Variants in UCMA observed in about 807,000 individuals in gnomAD.
UCMA encodes the protein upper zone of growth plate and cartilage matrix associated, also known as upper zone of growth plate and cartilage matrix-associated protein.
A neutral mutation model predicts 21.8 loss-of-function variants in UCMA; 21 were observed. That is an observed-to-expected ratio of 0.97 (90% confidence interval 0.68 to 1.39). UCMA has a LOEUF of 1.39. UCMA is among the 40% of genes most tolerant of loss of function. UCMA has a pLI of 0.00. For synonymous variants in UCMA, 76 were observed against 67.9 expected, an observed-to-expected ratio of 1.12 and a Z score of -0.58; for missense variants, 193 against 178.9, an observed-to-expected ratio of 1.08 and a Z score of -0.45.
At chr10:13,234,066 C>T (rs1393314447) in intron 1 of UCMA, 135 bp downstream of exon 1, 15 of 751,764 alleles carry the variant, frequency 2.0e-5, no homozygotes, top group East Asian at 1.4e-4. Flanking sequence ...TACATGCACA[C>T]GACACACACA....
chr10:13,233,807 G>T lies in UCMA; in HGVS notation c.59-7C>A. ...CTGGTTCCCTCTCTCAGCACTGCAG[G>T]ACAAGGGCACAGAGTGAGGCTGCAG... On this transcript the variant is annotated splice_region_variant and splice_polypyrimidine_tract_variant and intron_variant, in intron 1 of 4. Coordinates refer to ENST00000378681, the MANE Select transcript of UCMA (RefSeq NM_145314.3). The T allele has an allele frequency of 6.2e-7, 1 of 1,613,634 alleles. No homozygotes were observed.
intron 4 of UCMA, among the ~76,000 whole-genome samples, chr10:13,229,185 C>G (rs1834863458): frequency 6.6e-6 from 1 of 152,150 alleles, no homozygotes; most frequent in Non-Finnish European, 1.5e-5. Flanking sequence ...ATCTACCCTC[C>G]TCAGCCTCCC....
chr10:13,229,575 C>A (rs1234959443), intron 4 of UCMA, 36 bp downstream of exon 4: 1 of 1,578,222 alleles, frequency 6.3e-7, no homozygotes, highest in East Asian at 2.2e-5. Context: ...CCCCAACGCT[C>A]CACCTCCCTG....
chr10:13,233,852 C>A lies in UCMA; in HGVS notation c.59-52G>T. 3.1e-6 allele frequency: 5 copies of A among 1,605,272 alleles called. No homozygotes were observed. The Admixed American group carries it at 8.4e-5, about 27-fold the overall frequency. ...CTGCAGCATCAGAGGGGAGCCCAGA[C>A]CCTGAGCTGAGTCCCCATCTCTCTT... On this transcript the variant is annotated intron_variant, in intron 1 of 4. Coordinates refer to ENST00000378681, the MANE Select transcript of UCMA (RefSeq NM_145314.3).
intron 4 of UCMA, among the ~76,000 whole-genome samples, chr10:13,225,539 G>C (rs1326172416): frequency 6.6e-6 from 1 of 151,990 alleles, no homozygotes; most frequent in Admixed American, 6.6e-5. Flanking sequence ...GCAAGGCGTG[G>C]TGGTGGGTGC....
At position 13,230,027 on chromosome 10, in the gene UCMA, T is replaced by G. The variant is rs1020351530; in HGVS notation, c.221-318A>C. On this transcript the variant is annotated intron_variant, in intron 3 of 4. Coordinates refer to ENST00000378681, the MANE Select transcript of UCMA (RefSeq NM_145314.3). ...CACTTGGAAACCAGAAATCCCATAA[T>G]CAGAAACAAATTCCCTAAAGGAATA... Among the ~76,000 whole-genome samples, 3 of 152,128 alleles carry G rather than the reference T, an allele frequency of 2.0e-5. No individual in the cohort carries two copies. In the East Asian group the frequency reaches 5.8e-4, roughly 29 times the overall value.
chr10:13,229,830 G>T, intron 3 of UCMA, 121 bp from the exon 4 acceptor site: 2 of 738,734 alleles, frequency 2.7e-6, no homozygotes, highest in Non-Finnish European at 4.5e-6. Context: ...GTTTGTGGGG[G>T]ATTGTGATTG....
intron 4 of UCMA, among the ~76,000 whole-genome samples, chr10:13,226,886 T>C (rs936760212): frequency 2.6e-5 from 4 of 152,208 alleles, no homozygotes; most frequent in Admixed American, 6.5e-5. Context: ...AAACAGTGAA[T>C]GTTTTTTCAT....
Position 13,222,083 on chromosome 10 carries a change from T to C in UCMA, c.*20A>G. On this transcript the variant is annotated 3_prime_UTR_variant, in exon 5 of 5. Transcript: ENST00000378681. ...AATGGTGCTACAAGCTTTGTCTTCT[T>C]GGCCGGCTTCAGGATGGGATCAGGT... The C allele has an allele frequency of 6.2e-7, 1 of 1,613,776 alleles. No homozygotes were observed.
chr10:13,224,477 T>C lies in UCMA; in HGVS notation c.320-2277A>G, dbSNP rs1460763666. Reference sequence around the variant, plus strand: ...GGCAAGTTTTATGTTGTGTGTGTTTTATCACATTTTTAAGATGCATTTGTC... The same window carrying C: ...GGCAAGTTTTATGTTGTGTGTGTTTCATCACATTTTTAAGATGCATTTGTC... On this transcript the variant is annotated intron_variant, in intron 4 of 4. Transcript: ENST00000378681. 2.0e-5 allele frequency among the ~76,000 whole-genome samples: 3 copies of C among 152,152 alleles called. No homozygotes were observed. The East Asian group carries it at 5.8e-4, about 29-fold the overall frequency.
rs138134959 is a variant in UCMA at position 13,221,837 on chromosome 10, C to T, written c.*266G>A. ...CTTGACTGATTCTTTTGCTTGGGAA[C>T]GAAGCCAGGGGAAGCCACTGTAGGT... is the stretch of plus-strand genomic sequence containing the variant. On this transcript the variant is annotated 3_prime_UTR_variant, in exon 5 of 5. Transcript: ENST00000378681. 1.5e-3 allele frequency: 703 copies of T among 459,616 alleles called. 6 individuals carry two copies. The East Asian group carries it at 0.017, about 11-fold the overall frequency. The allele number at this position is 459,616 out of a possible 1,614,324, so 28.5% of individuals were successfully genotyped here.
intron 3 of UCMA, among the ~76,000 whole-genome samples, chr10:13,230,980 C>CG (rs370057167): frequency 2.7e-4 from 41 of 151,950 alleles, no homozygotes; most frequent in African/African-American, 9.7e-4. Flanking sequence ...TTGCTTGAAC[C>CG]GGGGAGGTGG....
intron 3 of UCMA, among the ~76,000 whole-genome samples, chr10:13,232,150 G>C (rs576150461): frequency 6.6e-6 from 1 of 151,878 alleles, no homozygotes; most frequent in Non-Finnish European, 1.5e-5. Flanking sequence ...GAGGCAGGGG[G>C]GTCACCTGAG....
At chr10:13,227,776 A>ACACACACT (rs1554778837) in intron 4 of UCMA, among the ~76,000 whole-genome samples, 2 of 145,174 alleles carry the variant, frequency 1.4e-5, no homozygotes, top group East Asian at 4.0e-4. Flanking sequence ...ACACACACAC[A>ACACACACT]CACATTCTCT....
At chr10:13,227,122 T>C (rs969987787) in intron 4 of UCMA, among the ~76,000 whole-genome samples, 2 of 151,998 alleles carry the variant, frequency 1.3e-5, no homozygotes, top group African/African-American at 4.8e-5. Context: ...TAAGAAAGTT[T>C]GATTTGCCAG....
intron 4 of UCMA, among the ~76,000 whole-genome samples, chr10:13,225,196 G>A (rs1288659398): frequency 6.6e-6 from 1 of 152,056 alleles, no homozygotes; most frequent in Non-Finnish European, 1.5e-5. Flanking sequence ...TGGGACTACA[G>A]GCATGCACCA....
intron 3 of UCMA, among the ~76,000 whole-genome samples, 181 bp from the exon 4 acceptor site, chr10:13,229,890 G>A (rs1834876797): frequency 6.6e-6 from 1 of 152,144 alleles, no homozygotes; most frequent in Non-Finnish European, 1.5e-5. Flanking sequence ...AAAACTTGAA[G>A]GTGATTATCT....
intron 4 of UCMA, among the ~76,000 whole-genome samples, chr10:13,224,873 G>T (rs895058935): frequency 8.5e-5 from 13 of 152,276 alleles, no homozygotes; most frequent in African/African-American, 3.1e-4. Context: ...TCCCCTTGGT[G>T]CTGAAAATCC....
chr10:13,227,213 A>T (rs1004145599), intron 4 of UCMA, among the ~76,000 whole-genome samples: 1 of 152,120 alleles, frequency 6.6e-6, no homozygotes, highest in African/African-American at 2.4e-5. Context: ...CACCTGACCC[A>T]GGGGTGGTTT....
Sources: allele counts gnomAD v4.1 joint callset (sites outside exome capture counted in the v4.1 genomes callset), GRCh38; gene constraint gnomAD v4.1.1; transcripts MANE v1.5; gene names NCBI Gene and HGNC (gene_info 2026-07-23, HGNC 2026-07-21).